ARHGAP15: variants seen among roughly 807,000 people sequenced by gnomAD.
ARHGAP15 encodes Rho GTPase activating protein 15.
ARHGAP15 carries 51 observed loss-of-function variants against 63.7 expected under a neutral mutation model. The observed-to-expected ratio is 0.80, with a 90% CI of 0.64 to 1.01. The LOEUF (loss-of-function observed/expected upper bound fraction) is 1.01. Ranked by LOEUF, ARHGAP15 falls within the 50% of genes least tolerant of loss-of-function variation. The probability of loss-of-function intolerance (pLI) is 0.00; values close to 1 mark genes in which losing one functional copy is unlikely to be tolerated. For synonymous variants in ARHGAP15, 191 were observed against 193.8 expected, an observed-to-expected ratio of 0.99 and a Z score of 0.12; for missense variants, 560 against 564.6, an observed-to-expected ratio of 0.99 and a Z score of 0.08.
intron 11 of ARHGAP15, among the ~76,000 whole-genome samples, chr2:143,592,193 A>G (rs1052573789): frequency 2.6e-5 from 4 of 152,130 alleles, no homozygotes; most frequent in Admixed American, 2.6e-4. Flanking sequence ...TAATAAGTGA[A>G]GTGTCTTTAT....
At chr2:143,185,371 T>C (rs1216467132) in intron 2 of ARHGAP15, among the ~76,000 whole-genome samples, 1 of 152,188 alleles carries the variant, frequency 6.6e-6, no homozygotes, top group Non-Finnish European at 1.5e-5. Flanking sequence ...TTTGAACTTA[T>C]CTTGTATTTT....
chr2:143,699,557 A>G (rs1683994329), intron 12 of ARHGAP15, among the ~76,000 whole-genome samples: 1 of 152,354 alleles, frequency 6.6e-6, no homozygotes, highest in Admixed American at 6.5e-5. Context: ...GGATACTTAT[A>G]CATAACTGAC....
chr2:143,170,595 T>C (rs1690735088), intron 2 of ARHGAP15, among the ~76,000 whole-genome samples: 1 of 152,100 alleles, frequency 6.6e-6, no homozygotes, highest in South Asian at 2.1e-4. Flanking sequence ...CCATGTTCAA[T>C]GTGGCTAAGA....
intron 11 of ARHGAP15, among the ~76,000 whole-genome samples, chr2:143,565,029 G>A (rs1055680588): frequency 4.6e-5 from 7 of 152,032 alleles, no homozygotes; most frequent in African/African-American, 1.4e-4. Flanking sequence ...AAAAGTTTTC[G>A]AGGTAGATAA....
chr2:143,723,791 GAT>G (rs1685164735), intron 13 of ARHGAP15, among the ~76,000 whole-genome samples: 1 of 152,214 alleles, frequency 6.6e-6, no homozygotes, highest in Admixed American at 6.5e-5. Context: ...TCACTGTGTT[GAT>G]AGTACATTCT....
chr2:143,535,299 TC>T (rs1694703859), intron 10 of ARHGAP15, among the ~76,000 whole-genome samples: 1 of 152,188 alleles, frequency 6.6e-6, no homozygotes, highest in East Asian at 1.9e-4. Context: ...TTATTCTCCA[TC>T]TTTTTCTCTC....
chr2:143,530,592 A>G (rs1694482729), intron 10 of ARHGAP15, among the ~76,000 whole-genome samples: 1 of 144,868 alleles, frequency 6.9e-6, no homozygotes, highest in African/African-American at 2.6e-5. Context: ...ACTTCCTTGT[A>G]AGTTTGTGTA....
At chr2:143,545,639 A>G (rs1480237167) in intron 10 of ARHGAP15, among the ~76,000 whole-genome samples, 1 of 152,078 alleles carries the variant, frequency 6.6e-6, no homozygotes, top group Non-Finnish European at 1.5e-5. Flanking sequence ...TAAAAAGTGA[A>G]CAGCAATGAA....
chr2:143,747,349 A>T (rs1398327481), intron 13 of ARHGAP15, among the ~76,000 whole-genome samples: 1 of 152,192 alleles, frequency 6.6e-6, no homozygotes, highest in African/African-American at 2.4e-5. Flanking sequence ...TTGGTGTGGT[A>T]TATTTGTTGT....
At chr2:143,579,838 T>C (rs1696822320) in intron 11 of ARHGAP15, among the ~76,000 whole-genome samples, 1 of 151,882 alleles carries the variant, frequency 6.6e-6, no homozygotes, top group Non-Finnish European at 1.5e-5. Flanking sequence ...CAGAGCTTTT[T>C]TTCTCCATTA....
chr2:143,251,760 T>G (rs549456007), intron 6 of ARHGAP15, among the ~76,000 whole-genome samples: 8 of 151,910 alleles, frequency 5.3e-5, no homozygotes, highest in Non-Finnish European at 8.8e-5. Flanking sequence ...AGAGAAAAGA[T>G]AGAAGAAAAC....
intron 6 of ARHGAP15, chr2:143,435,124 G>T (rs1482385981): frequency 3.8e-6 from 1 of 261,404 alleles, no homozygotes; most frequent in Admixed American, 6.5e-5. Flanking sequence ...ACTTTTGGAA[G>T]TCTGCAATTA....
chr2:143,330,097 A>AAAAAAAAAAAC (rs1684447336), intron 6 of ARHGAP15, among the ~76,000 whole-genome samples: 1 of 67,330 alleles, frequency 1.5e-5, no homozygotes, highest in Non-Finnish European at 2.8e-5. Flanking sequence ...TCTGTCTCAA[A>AAAAAAAAAAAC]AAAAAAAAAA....
chr2:143,486,281 A>G (rs539756103), intron 8 of ARHGAP15, among the ~76,000 whole-genome samples: 10 of 152,086 alleles, frequency 6.6e-5, no homozygotes, highest in Admixed American at 4.6e-4. Flanking sequence ...TAATAATAAG[A>G]CACCTTGGGC....
intron 8 of ARHGAP15, among the ~76,000 whole-genome samples, chr2:143,468,088 G>A (rs560970083): frequency 1.3e-5 from 2 of 152,056 alleles, no homozygotes; most frequent in African/African-American, 4.8e-5. Context: ...TTGTTTGATT[G>A]TGTATTACTT....
At chr2:143,413,134 G>A (rs1688511654) in intron 6 of ARHGAP15, among the ~76,000 whole-genome samples, 1 of 152,174 alleles carries the variant, frequency 6.6e-6, no homozygotes, top group Non-Finnish European at 1.5e-5. Context: ...TGAATCAAGT[G>A]TAAGACATTA....
chr2:143,366,991 A>G (rs962810626), intron 6 of ARHGAP15, among the ~76,000 whole-genome samples: 6 of 152,126 alleles, frequency 3.9e-5, no homozygotes, highest in Admixed American at 6.5e-5. Flanking sequence ...TGGCAGGTCC[A>G]TGACACTTGC....
At chr2:143,655,771 C>A (rs1559106110) in intron 12 of ARHGAP15, among the ~76,000 whole-genome samples, 1 of 152,104 alleles carries the variant, frequency 6.6e-6, no homozygotes, top group African/African-American at 2.4e-5. Context: ...TTCTACAAAT[C>A]CACAGTTTGA....
rs562854974 is a variant in ARHGAP15, at chr2:143,489,568, G to A, written c.826+2073G>A. Among the ~76,000 whole-genome samples the A allele has an allele frequency of 4.6e-5, 7 of 152,050 alleles. 1 individual carries two copies. In the East Asian group the frequency reaches 1.4e-3, roughly 29 times the overall value. ...GTTTTTTTTTCCCAACTCGGTAAAA[G>A]GCATTAAACCAATTTTTAAAAATAC... On this transcript the variant is annotated intron_variant, in intron 9 of 13. Transcript: ENST00000295095.
Sources: allele counts gnomAD v4.1 joint callset (sites outside exome capture counted in the v4.1 genomes callset), GRCh38; gene constraint gnomAD v4.1.1; transcripts MANE v1.5; gene names NCBI Gene and HGNC (gene_info 2026-07-23, HGNC 2026-07-21).